Variants in LIX1 observed in about 807,000 individuals in gnomAD.
The protein encoded by LIX1 is limb and CNS expressed 1.
Under a neutral mutation model 33.4 loss-of-function variants are expected in LIX1, and 24 were observed. That is an observed-to-expected ratio of 0.72 (90% CI 0.52 to 1.01). The LOEUF is 1.01. Among genes scored for constraint, LIX1 ranks in the 50% least tolerant of loss-of-function variants. LIX1 has a pLI of 0.00. For missense variants in LIX1, 311 were observed against 339.2 expected (o/e 0.92, Z 0.65); for synonymous variants, 124 against 124.0 (o/e 1.00, Z 0.00).
intron 4 of LIX1, among the ~76,000 whole-genome samples, chr5:97,101,369 A>C (rs1402332327): frequency 6.6e-6 from 1 of 152,156 alleles, no homozygotes; most frequent in Non-Finnish European, 1.5e-5. Flanking sequence ...CTTCATGGGC[A>C]TGAGGTCTGT....
chr5:97,137,008 G>C, intron 1 of LIX1: 1 of 335,958 alleles, frequency 3.0e-6, no homozygotes, highest in South Asian at 2.4e-5. Context: ...TTTATGAAAG[G>C]CTTCTAAAGT....
In LIX1 at chr5:97,122,037, G is replaced by A. The variant is rs1024954587; in HGVS notation, c.246+2429C>T. Among the ~76,000 whole-genome samples, 9 of 152,200 alleles carry A rather than the reference G, an allele frequency of 5.9e-5. No homozygotes were observed. The East Asian group carries it at 7.7e-4, about 13-fold the overall frequency. On this transcript the variant is annotated intron_variant, in intron 2 of 5. Coordinates refer to ENST00000274382, the MANE Select transcript of LIX1 (RefSeq NM_153234.5). The stretch of plus-strand genomic sequence containing the variant: ...CTTTCCCCTTCGCTGCCTCTCATCC[G>A]TGTCTTTGGTGTCCACGGTTACATC...
At chr5:97,137,409 T>G (rs1214293732) in intron 1 of LIX1, among the ~76,000 whole-genome samples, 1 of 152,182 alleles carries the variant, frequency 6.6e-6, no homozygotes, top group Admixed American at 6.5e-5. Context: ...AAAACCTGTC[T>G]TCTAGGGTTG....
At chr5:97,117,651 C>T (rs905100712) in intron 2 of LIX1, among the ~76,000 whole-genome samples, 1 of 152,176 alleles carries the variant, frequency 6.6e-6, no homozygotes, top group Non-Finnish European at 1.5e-5. Context: ...AGTTTGCTTA[C>T]TGCCTTAAGT....
chr5:97,126,569 CAAGT>C (rs1392625639), intron 1 of LIX1, among the ~76,000 whole-genome samples: 1 of 150,834 alleles, frequency 6.6e-6, no homozygotes, highest in East Asian at 1.9e-4. Context: ...ATTGAATGGT[CAAGT>C]TGAGAATTGG....
rs1320895164 is a variant in LIX1 at position 97,137,180 on chromosome 5, T to TAA, written c.82+5313_82+5314dup. 3.0e-5 allele frequency: 13 copies of TAA among 427,114 alleles called. No individual in the cohort carries two copies. In the East Asian group the frequency reaches 8.7e-4, roughly 29 times the overall value. 26.5% of individuals were successfully genotyped at this position (427,114 alleles called of 1,614,324 possible). On this transcript the variant is annotated intron_variant, in intron 1 of 5. Coordinates refer to ENST00000274382, the MANE Select transcript of LIX1 (RefSeq NM_153234.5). ...GAAGTTGTTAAAATTGAGTTCAGAC[T>TAA]AACAAATCTTAACTGTTAAAAACAA...
At chr5:97,125,787 G>A (rs955450316) in intron 1 of LIX1, among the ~76,000 whole-genome samples, 1 of 152,220 alleles carries the variant, frequency 6.6e-6, no homozygotes, top group Non-Finnish European at 1.5e-5. Flanking sequence ...GTCTCGAGGG[G>A]TGCAGGTGGG....
chr5:97,114,606 C>T (rs1747584781), intron 2 of LIX1, among the ~76,000 whole-genome samples: 1 of 152,148 alleles, frequency 6.6e-6, no homozygotes, highest in South Asian at 2.1e-4. Flanking sequence ...CCAAAGCTGA[C>T]CTACTGAATC....
chr5:97,142,298 G>A (rs6884377), intron 1 of LIX1, among the ~76,000 whole-genome samples, 197 bp downstream of exon 1: 4,144 of 152,286 alleles, frequency 0.027, 177 homozygotes, highest in African/African-American at 0.094. Flanking sequence ...ATCACTGACA[G>A]AATAACCCAG....
chr5:97,096,858 G>T lies in LIX1; in HGVS notation c.513C>A (p.His171Gln). 2 of 1,613,968 alleles carry T rather than the reference G, an allele frequency of 1.2e-6. No homozygotes were observed. Among genetic ancestry groups the T allele is most frequent in the South Asian group, 1.1e-5 (1 of 91,082 alleles). Residue 171 changes from histidine to glutamine, a missense_variant, in exon 5 of 6, where the codon CAC becomes CAA. Coordinates refer to ENST00000274382, the MANE Select transcript of LIX1 (RefSeq NM_153234.5). ...GAAGGGCTTTTAGGCTTCCATTCCA[G>T]TGCAATAGTTGGAAAATGGTCATCA... ...QELMTIFQLL[H>Q]WNGSLKALRE...
In LIX1 at chr5:97,110,368, G is replaced by A. The variant is rs1033877147; in HGVS notation, c.247-2868C>T. Among the ~76,000 whole-genome samples, 3 of 152,276 alleles carry A rather than the reference G, an allele frequency of 2.0e-5. No individual in the cohort carries two copies. In the East Asian group the frequency reaches 5.8e-4, roughly 29 times the overall value. On this transcript the variant is annotated intron_variant, in intron 2 of 5. Transcript: ENST00000274382. ...CAACATTTGCCAGGAGACTAACAAA[G>A]CAGAACAATTAAGGGCAGGCAGAAG...
chr5:97,132,545 G>A (rs1223939345), intron 1 of LIX1, among the ~76,000 whole-genome samples: 1 of 152,030 alleles, frequency 6.6e-6, no homozygotes, highest in East Asian at 1.9e-4. Flanking sequence ...AGGAAAGAGT[G>A]CCAGTAGGAA....
At chr5:97,104,049 C>G (rs1410915086) in intron 4 of LIX1, among the ~76,000 whole-genome samples, 10 of 151,106 alleles carry the variant, frequency 6.6e-5, no homozygotes, top group Admixed American at 6.6e-4. Flanking sequence ...ATACAGAAGG[C>G]TAATAAAATA....
At chr5:97,113,152 A>G (rs1436401600) in intron 2 of LIX1, among the ~76,000 whole-genome samples, 1 of 152,214 alleles carries the variant, frequency 6.6e-6, no homozygotes, top group Non-Finnish European at 1.5e-5. Flanking sequence ...TACATGGCAG[A>G]TAACTAAAGC....
intron 1 of LIX1, among the ~76,000 whole-genome samples, chr5:97,135,927 T>C (rs1413798917): frequency 6.6e-6 from 1 of 152,222 alleles, no homozygotes; most frequent in Admixed American, 6.5e-5. Flanking sequence ...TGCTGATCAG[T>C]TCTTCTTAGT....
At chr5:97,109,565 C>CT (rs1561494419) in intron 2 of LIX1, among the ~76,000 whole-genome samples, 1 of 151,994 alleles carries the variant, frequency 6.6e-6, no homozygotes, top group African/African-American at 2.4e-5. Flanking sequence ...ATATTTATTT[C>CT]TTTTTTTATT....
chr5:97,121,161 T>C (rs1281564358), intron 2 of LIX1, among the ~76,000 whole-genome samples: 4 of 152,204 alleles, frequency 2.6e-5, no homozygotes, highest in Non-Finnish European at 5.9e-5. Context: ...ATGTTCAATC[T>C]AATTTTAAAA....
chr5:97,134,222 C>T (rs1013030597), intron 1 of LIX1, among the ~76,000 whole-genome samples: 1 of 152,182 alleles, frequency 6.6e-6, no homozygotes, highest in Admixed American at 6.5e-5. Context: ...TGGGTTGAAG[C>T]GATTCTCCTG....
At chr5:97,113,902 T>G (rs1312151863) in intron 2 of LIX1, among the ~76,000 whole-genome samples, 1 of 152,166 alleles carries the variant, frequency 6.6e-6, no homozygotes, top group African/African-American at 2.4e-5. Context: ...CAAGATACAG[T>G]ACACTGTGGG....
Sources: allele counts gnomAD v4.1 joint callset (sites outside exome capture counted in the v4.1 genomes callset), GRCh38; gene constraint gnomAD v4.1.1; transcripts MANE v1.5; gene names NCBI Gene and HGNC (gene_info 2026-07-23, HGNC 2026-07-21).